The following SH3KBP1 variants were observed in gnomAD, a reference collection of about 807,000 sequenced individuals.
SH3KBP1 encodes SH3 domain containing kinase binding protein 1.
A neutral mutation model predicts 50.1 loss-of-function variants in SH3KBP1; 8 were observed. That is an observed-to-expected ratio of 0.16 (90% CI 0.09 to 0.29). SH3KBP1 has a LOEUF of 0.29. SH3KBP1 is among the 10% of genes least tolerant of loss of function. The pLI, the probability that SH3KBP1 is intolerant of heterozygous loss-of-function variation, is 1.00. For missense variants in SH3KBP1, 377 were observed against 535.2 expected, an observed-to-expected ratio of 0.70 and a Z score of 2.92; for synonymous variants, 227 against 218.6, an observed-to-expected ratio of 1.04 and a Z score of -0.34.
intron 6 of SH3KBP1, among the ~76,000 whole-genome samples, chrX:19,675,883 T>C (rs191159058): frequency 1.8e-5 from 2 of 111,832 alleles, no homozygotes; most frequent in African/African-American, 6.5e-5. Context: ...GGTTCACTGT[T>C]TCTGTTTCCC....
chrX:19,540,610 C>G (rs1000339613), intron 16 of SH3KBP1, among the ~76,000 whole-genome samples: 1 of 111,392 alleles, frequency 9.0e-6, no homozygotes, highest in African/African-American at 3.3e-5. Context: ...CTTCTGCTGA[C>G]CCCAGACTGG....
chrX:19,723,142 CAAAAAAAA>C (rs61434855), intron 3 of SH3KBP1, among the ~76,000 whole-genome samples: 1 of 31,128 alleles, frequency 3.2e-5, no homozygotes, highest in African/African-American at 8.5e-5. Context: ...GACTCCGTCT[CAAAAAAAA>C]AAAAAAAAAA....
chrX:19,542,304 C>A (rs758748528), intron 15 of SH3KBP1, 111 bp from the exon 16 acceptor site: 238 of 752,473 alleles, frequency 3.2e-4, no homozygotes, highest in Non-Finnish European at 4.2e-4. Context: ...TCTCTCCACA[C>A]ACTCCATTCA....
rs762415271 is a variant in SH3KBP1, at chrX:19,535,200, C to A, written c.*1217G>T. On this transcript the variant is annotated 3_prime_UTR_variant, in exon 18 of 18. Coordinates refer to ENST00000397821, the MANE Select transcript of SH3KBP1 (RefSeq NM_031892.3). The stretch of plus-strand genomic sequence containing the variant: ...TACAAAGATAAAGCGGACAGGCAAA[C>A]ATCAGTTTCCTTGGGAAAGAAAAAG... The A allele has an allele frequency of 5.7e-4, 147 of 259,823 alleles. No homozygotes were observed. The highest frequency in any genetic ancestry group is 8.0e-4 in the Non-Finnish European group (119 of 147,952). 21.4% of individuals were successfully genotyped at this position (259,823 alleles called of 1,213,427 possible). A position where few individuals can be genotyped will look rare whatever the true frequency, so the allele number is the denominator to read the frequency against.
In SH3KBP1 at chrX:19,867,818, G is replaced by A. The variant is rs191223727; in HGVS notation, c.4+19489C>T. Among the ~76,000 whole-genome samples the A allele has an allele frequency of 7.2e-5, 8 of 110,832 alleles. No homozygotes were observed. The East Asian group carries it at 2.3e-3, about 31-fold the overall frequency. On this transcript the variant is annotated intron_variant, in intron 1 of 17. Transcript: ENST00000397821. ...GTGCACATAAATTTGACAAATTAGC[G>A]ACTTAACCTCCCCCATTATCAGAAG... is the stretch of plus-strand genomic sequence containing the variant.
At chrX:19,634,031 GGTGTGTGTGT>G (rs60109180) in intron 7 of SH3KBP1, among the ~76,000 whole-genome samples, 2,154 of 32,137 alleles carry the variant, frequency 0.067, 120 homozygotes, top group East Asian at 0.14. Context: ...TTTGTTCCCT[GGTGTGTGTGT>G]GTGTGTGTGT....
At chrX:19,719,600 C>T (rs1480712299) in intron 3 of SH3KBP1, among the ~76,000 whole-genome samples, 1 of 111,048 alleles carries the variant, frequency 9.0e-6, no homozygotes, top group Non-Finnish European at 1.9e-5. Context: ...CAACATCCTC[C>T]ACCTCAACTA....
chrX:19,690,795 A>C (rs761367700), intron 5 of SH3KBP1, among the ~76,000 whole-genome samples: 15 of 112,441 alleles, frequency 1.3e-4, no homozygotes, highest in African/African-American at 4.5e-4. Flanking sequence ...CAATAAGAAG[A>C]AATAAGCTAA....
chrX:19,757,260 C>T (rs1360698360), intron 2 of SH3KBP1, among the ~76,000 whole-genome samples: 1 of 107,540 alleles, frequency 9.3e-6, no homozygotes, highest in Non-Finnish European at 1.9e-5. Flanking sequence ...GCAAACCTGC[C>T]TCCCCTTTTG....
intron 8 of SH3KBP1, among the ~76,000 whole-genome samples, chrX:19,627,872 C>T (rs1413018649): frequency 8.9e-6 from 1 of 112,304 alleles, no homozygotes; most frequent in Non-Finnish European, 1.9e-5. Flanking sequence ...ACCTCTACGG[C>T]GAACACAGAA....
At chrX:19,722,159 G>C (rs1018414757) in intron 3 of SH3KBP1, among the ~76,000 whole-genome samples, 1 of 112,153 alleles carries the variant, frequency 8.9e-6, no homozygotes, top group Non-Finnish European at 1.9e-5. Flanking sequence ...GGGCAACTTC[G>C]CAAGTCCTGA....
intron 9 of SH3KBP1, among the ~76,000 whole-genome samples, chrX:19,599,948 C>T (rs1257811803): frequency 9.2e-6 from 1 of 108,938 alleles, no homozygotes; most frequent in Non-Finnish European, 1.9e-5. Flanking sequence ...GAGATCGAAA[C>T]CACGGTGAAA....
Position 19,756,778 on chromosome X carries a change from G to A in SH3KBP1, c.163-10337C>T, listed in dbSNP as rs564870876. ...TGTGTATCAGTAGAGAGCAGCTGAT[G>A]AATGGCCATAAATCAATCCCATGCA... On this transcript the variant is annotated intron_variant, in intron 2 of 17. Transcript: ENST00000397821. 2.6e-4 allele frequency among the ~76,000 whole-genome samples: 28 copies of A among 109,264 alleles called. No homozygotes were observed. The South Asian group carries it at 0.011, about 42-fold the overall frequency. 94.9% of individuals were successfully genotyped at this position (109,264 alleles called of 115,157 possible). A position where few individuals can be genotyped will look rare whatever the true frequency, so the allele number is the denominator to read the frequency against.
intron 3 of SH3KBP1, among the ~76,000 whole-genome samples, chrX:19,742,528 A>G (rs1378212636): frequency 1.8e-5 from 2 of 110,038 alleles, no homozygotes; most frequent in Non-Finnish European, 3.8e-5. Context: ...GTTTTATTCA[A>G]TTTTTCTTCT....
In SH3KBP1 at chrX:19,700,044, C is replaced by T. The variant is rs746506924; in HGVS notation, c.391-4303G>A. On this transcript the variant is annotated intron_variant, in intron 4 of 17. Coordinates refer to ENST00000397821, the MANE Select transcript of SH3KBP1 (RefSeq NM_031892.3). ...TTTCATCCAGTGAATACTTTGATAC[C>T]CAAACCCCAGTCAGAAGCACACTGG... 7.2e-5 allele frequency among the ~76,000 whole-genome samples: 8 copies of T among 111,148 alleles called. No homozygotes were observed. The East Asian group carries it at 2.3e-3, about 31-fold the overall frequency.
intron 2 of SH3KBP1, among the ~76,000 whole-genome samples, chrX:19,828,626 A>G (rs1465450014): frequency 9.1e-6 from 1 of 110,296 alleles, no homozygotes; most frequent in Non-Finnish European, 1.9e-5. Flanking sequence ...TACAAAAAAT[A>G]CAAAATAATT....
chrX:19,653,434 C>A (rs906697608), intron 6 of SH3KBP1, among the ~76,000 whole-genome samples: 2 of 111,289 alleles, frequency 1.8e-5, no homozygotes, highest in Admixed American at 1.9e-4. Context: ...GCTTCTTGGC[C>A]AGGCACGGTG....
chrX:19,737,906 A>G (rs2148793254), intron 3 of SH3KBP1, among the ~76,000 whole-genome samples: 1 of 106,356 alleles, frequency 9.4e-6, no homozygotes, highest in South Asian at 3.7e-4. Context: ...ATGTTCTCCT[A>G]GCATCATCTA....
intron 8 of SH3KBP1, among the ~76,000 whole-genome samples, chrX:19,610,232 G>C (rs59236317): frequency 0.024 from 2,649 of 111,972 alleles, 73 homozygotes; most frequent in African/African-American, 0.081. Flanking sequence ...AGTCCAAGTA[G>C]ATAGTCTGGT....
Sources: gnomAD v4.1 joint callset for allele counts (sites outside exome capture counted in the v4.1 genomes callset) on GRCh38, gnomAD v4.1.1 for gene constraint, MANE v1.5 for transcripts, NCBI Gene and HGNC (gene_info 2026-07-23, HGNC 2026-07-21) for gene names.